The following CAND2 variants were observed in gnomAD, a reference collection of about 807,000 sequenced individuals.
CAND2 encodes the protein cullin-associated NEDD8-dissociated protein 2.
Under a neutral mutation model 98.9 loss-of-function variants are expected in CAND2, and 62 were observed. That is an observed-to-expected ratio of 0.63 (90% CI 0.51 to 0.77). The LOEUF (loss-of-function observed/expected upper bound fraction) is 0.77, where lower values mean the gene tolerates loss of function less well. CAND2 is among the 30% of genes least tolerant of loss of function. The pLI is 0.00. For synonymous variants in CAND2, 770 were observed against 731.9 expected (o/e 1.05, Z -0.84); for missense variants, 1,501 against 1,655.2 (o/e 0.91, Z 1.62).
rs571921910 is a variant in CAND2, at chr3:12,807,298, C to A, written c.213-8C>A. On this transcript the variant is annotated splice_region_variant and splice_polypyrimidine_tract_variant and intron_variant, in intron 2 of 14. Transcript: ENST00000456430. ...GCCCTTGGATTCACCTTCCCACTCC[C>A]TGCTCAGCCTGGGTCCTCTGGTGGT... 1 of 1,550,676 alleles carries A rather than the reference C, an allele frequency of 6.4e-7. No individual in the cohort carries two copies. Among genetic ancestry groups the A allele is most frequent in the Non-Finnish European group, 8.7e-7 (1 of 1,146,320 alleles).
In CAND2 at chr3:12,817,146, A is replaced by G. The variant is rs368313827; in HGVS notation, c.2214A>G (p.Ser738=). ...TGGAGGTCAGTGGCCCTGTGCTCTC[A>G]GAGCTGCTGCGGCTGCTGCGTTCGC... is the stretch of plus-strand genomic sequence containing the variant. The part of the protein sequence containing the change: ...SLVEVSGPVL[S]ELLRLLRSPL... Residue 738 remains serine (S), a synonymous_variant, in exon 10 of 15, where the codon TCA becomes TCG. Transcript: ENST00000456430. 2 of 1,612,974 alleles carry G rather than the reference A, an allele frequency of 1.2e-6. No individual in the cohort carries two copies. The highest frequency in any genetic ancestry group is 1.7e-6 in the Non-Finnish European group (2 of 1,179,984).
rs764083970 is a variant in CAND2 at position 12,815,879 on chromosome 3, G to C, written c.1312G>C (p.Val438Leu). 7 of 1,613,678 alleles carry C rather than the reference G, an allele frequency of 4.3e-6. No homozygotes were observed. In the South Asian group the frequency reaches 7.7e-5, roughly 18 times the overall value. Residue 438 changes from valine (V) to leucine (L), a missense_variant, in exon 9 of 15, where the codon GTC becomes CTC. Val to Leu is a conservative substitution (Grantham distance 32). Transcript: ENST00000456430. This position sits in a 1 kb window ranked among gnomAD's most constrained non-coding sequence, Gnocchi z 5.7. The part of the protein sequence containing the change: ...HMLRGQVPLV[V>L]KALQRQLKDR... ...CTCCTGCCCACAGGTGCCCCTTGTG[G>C]TCAAGGCCCTGCAGCGGCAGCTTAA...
chr3:12,810,113 AC>A lies in CAND2; in HGVS notation c.547del (p.Gln183SerfsTer2). Reference protein sequence around the residue: ...HASLLHCLLPQLSSPRLAVRK... With the variant: ...HASLLHCLLPXLSSPRLAVRK... Reference sequence around the variant, plus strand: ...CCAGCCTCCTGCACTGTCTGCTGCCACAGCTGAGCAGCCCGCGCCTGGCGGT... The same window carrying A: ...CCAGCCTCCTGCACTGTCTGCTGCCAAGCTGAGCAGCCCGCGCCTGGCGGT... On this transcript the variant is annotated frameshift_variant, in exon 5 of 15. Transcript: ENST00000456430. LOFTEE classifies it high-confidence loss of function. 1 of 1,510,000 alleles carries A rather than the reference AC, an allele frequency of 6.6e-7. No individual in the cohort carries two copies. The highest frequency in any genetic ancestry group is 8.8e-7 in the Non-Finnish European group (1 of 1,132,310). The allele number at this position is 1,510,000 out of a possible 1,614,324, so 93.5% of individuals were successfully genotyped here. A position where few individuals can be genotyped will look rare whatever the true frequency, so the allele number is the denominator to read the frequency against.
chr3:12,827,665 T>C (rs976433993), intron 13 of CAND2, 61 bp downstream of exon 13: 14 of 1,469,576 alleles, frequency 9.5e-6, no homozygotes, highest in Admixed American at 2.0e-5. Context: ...TCGGGCACCA[T>C]TGGGGCCATG....
At chr3:12,832,356 C>G (rs2062061029) in intron 14 of CAND2, 1 of 152,194 alleles carries the variant, frequency 6.6e-6, no homozygotes, top group African/African-American at 2.4e-5. Context: ...TTGACAGTCT[C>G]TCATTTCTGG....
At chr3:12,813,482 C>T in intron 7 of CAND2, 94 bp downstream of exon 7, 1 of 1,323,732 alleles carries the variant, frequency 7.6e-7, no homozygotes, top group Non-Finnish European at 1.0e-6. Flanking sequence ...CATTTGGTGC[C>T]CCTGTCCTGA....
Position 12,815,032 on chromosome 3 carries a change from A to G in CAND2, c.1007-109A>G. ...GGGTATCTATAAATGCTGATCATCA[A>G]AAAGTGAAGCACAGTGCCCAGCTCT... On this transcript the variant is annotated intron_variant, in intron 7 of 14. Transcript: ENST00000456430. The surrounding 1 kb of genome is among the most constrained non-coding windows in gnomAD (Gnocchi z 5.7). 8.8e-7 allele frequency: 1 copy of G among 1,134,266 alleles called. No individual in the cohort carries two copies. The highest frequency in any genetic ancestry group is 1.3e-6 in the Non-Finnish European group (1 of 792,242). The allele number at this position is 1,134,266 out of a possible 1,614,324, so 70.3% of individuals were successfully genotyped here.
intron 13 of CAND2, among the ~76,000 whole-genome samples, chr3:12,828,334 G>GT (rs1180194529): frequency 5.1e-5 from 7 of 138,104 alleles, no homozygotes; most frequent in Non-Finnish European, 7.7e-5. Context: ...TGCAGGTGAA[G>GT]TGTTTTTTTT....
intron 1 of CAND2, among the ~76,000 whole-genome samples, chr3:12,803,033 A>C (rs1435498832): frequency 1.5e-5 from 2 of 129,182 alleles, no homozygotes; most frequent in East Asian, 4.3e-4. Flanking sequence ...TCTGTCGCCC[A>C]GGCTGGAGTA....
Position 12,796,806 on chromosome 3 carries a change from C to T in CAND2, c.68+18C>T, listed in dbSNP as rs2061729013. The T allele has an allele frequency of 1.9e-6, 3 of 1,564,238 alleles. No individual in the cohort carries two copies. In the African/African-American group the frequency reaches 4.1e-5, roughly 21 times the overall value. On this transcript the variant is annotated intron_variant, in intron 1 of 14. Coordinates refer to ENST00000456430, the MANE Select transcript of CAND2 (RefSeq NM_001162499.2). Reference sequence around the variant, plus strand: ...GACTTCAGGTGCAGCCCGCCGCCGGCCCCCTTCTCTCCTTCCCGCTCTGAA... The same window carrying T: ...GACTTCAGGTGCAGCCCGCCGCCGGTCCCCTTCTCTCCTTCCCGCTCTGAA...
intron 11 of CAND2, among the ~76,000 whole-genome samples, chr3:12,821,872 C>G (rs570224060): frequency 1.3e-5 from 2 of 152,268 alleles, no homozygotes; most frequent in African/African-American, 4.8e-5. Context: ...TTTGATCACC[C>G]AGTTCAGGTG....
At chr3:12,808,498 G>C (rs914669973) in intron 4 of CAND2, among the ~76,000 whole-genome samples, 165 bp downstream of exon 4, 3 of 152,228 alleles carry the variant, frequency 2.0e-5, no homozygotes, top group African/African-American at 7.2e-5. Context: ...AATTTTACAG[G>C]CTCTGAGAGA....
rs1386574731 is a variant in CAND2, at chr3:12,808,199, G to T, written c.368-11G>T. 6.4e-7 allele frequency: 1 copy of T among 1,550,782 alleles called. No individual in the cohort carries two copies. Among genetic ancestry groups the T allele is most frequent in the Admixed American group, 2.0e-5 (1 of 51,002 alleles). On this transcript the variant is annotated splice_polypyrimidine_tract_variant and intron_variant, in intron 3 of 14. Coordinates refer to ENST00000456430, the MANE Select transcript of CAND2 (RefSeq NM_001162499.2). The stretch of plus-strand genomic sequence containing the variant: ...CAGGGCCTCACTGTGCCCACCTTGT[G>T]CCCTGTGCAGGCTCCGGGCTGGCCA...
At chr3:12,829,392 C>A (rs927859603) in intron 13 of CAND2, among the ~76,000 whole-genome samples, 1 of 152,206 alleles carries the variant, frequency 6.6e-6, no homozygotes, top group African/African-American at 2.4e-5. Flanking sequence ...GGTGACCCAC[C>A]CACCTCGGCC....
rs1381026934 is a variant in CAND2, at chr3:12,834,626, A to T, written c.*644A>T. The T allele has an allele frequency of 6.6e-6, 1 of 152,520 alleles. No homozygotes were observed. Among genetic ancestry groups the T allele is most frequent in the African/African-American group, 2.4e-5 (1 of 41,442 alleles). 9.4% of individuals were successfully genotyped at this position (152,520 alleles called of 1,614,324 possible). On this transcript the variant is annotated 3_prime_UTR_variant, in exon 15 of 15. Transcript: ENST00000456430. ...CTAATTTCAAAATACTTATTAGCAAATTGGGCAACAATGGGCATCTTCCAT... is the reference window on the plus strand; with the variant it reads ...CTAATTTCAAAATACTTATTAGCAATTTGGGCAACAATGGGCATCTTCCAT...
chr3:12,797,760 C>A (rs530613924), intron 1 of CAND2, among the ~76,000 whole-genome samples: 1 of 106,860 alleles, frequency 9.4e-6, no homozygotes, highest in Non-Finnish European at 1.8e-5. Context: ...ACATGAAGGG[C>A]GTAGGTTCAG....
chr3:12,825,892 T>A (rs2061995757), intron 12 of CAND2, among the ~76,000 whole-genome samples: 1 of 152,066 alleles, frequency 6.6e-6, no homozygotes, highest in South Asian at 2.1e-4. Flanking sequence ...ATTTGGTGAG[T>A]GAGGTCCTGT....
intron 1 of CAND2, among the ~76,000 whole-genome samples, chr3:12,799,986 G>A (rs555359279): frequency 6.4e-4 from 97 of 152,332 alleles, no homozygotes; most frequent in Non-Finnish European, 1.2e-3. Flanking sequence ...CACATCGCCT[G>A]GGTTGCCAGG....
intron 13 of CAND2, among the ~76,000 whole-genome samples, 179 bp downstream of exon 13, chr3:12,827,783 C>T (rs2062016257): frequency 6.6e-6 from 1 of 152,070 alleles, no homozygotes; most frequent in South Asian, 2.1e-4. Context: ...TGGGAGTCTA[C>T]ACTGGGCAGG....
Sources: allele counts gnomAD v4.1 joint callset (sites outside exome capture counted in the v4.1 genomes callset), GRCh38; gene constraint gnomAD v4.1.1; non-coding constraint Gnocchi (gnomAD v3.1); transcripts MANE v1.5; gene names NCBI Gene and HGNC (gene_info 2026-07-23, HGNC 2026-07-21).